AKAP8L: variants seen among roughly 807,000 people sequenced by gnomAD.
The protein encoded by AKAP8L is A-kinase anchor protein 8-like.
In AKAP8L, 34 loss-of-function variants were observed where a neutral mutation model predicts 77.5. The ratio of observed to expected loss-of-function variants is 0.44; its 90% CI spans 0.33 to 0.58. The LOEUF is 0.58. Ranked by LOEUF, AKAP8L falls within the 20% of genes least tolerant of loss-of-function variation. AKAP8L has a pLI of 0.02. For synonymous variants in AKAP8L, 342 were observed against 340.7 expected (o/e 1.00, Z -0.04); for missense variants, 806 against 887.6 (o/e 0.91, Z 1.17).
At chr19:15,395,983 C>CAGAAA (rs1452398542) in intron 12 of AKAP8L, among the ~76,000 whole-genome samples, 1 of 40,502 alleles carries the variant, frequency 2.5e-5, no homozygotes, top group Non-Finnish European at 4.4e-5. Context: ...GACTCCGTCT[C>CAGAAA]AAAAAAAAAA....
chr19:15,395,757 G>A (rs1473287167), intron 12 of AKAP8L, among the ~76,000 whole-genome samples: 3 of 146,902 alleles, frequency 2.0e-5, no homozygotes, highest in African/African-American at 7.4e-5. Flanking sequence ...GGCCGAGGCG[G>A]GCGGATCACG....
At position 15,401,941 on chromosome 19, in the gene AKAP8L, A is replaced by T. The variant is rs1454773365; in HGVS notation, c.363-338T>A. Among the ~76,000 whole-genome samples, 1 of 152,190 alleles carries T rather than the reference A, an allele frequency of 6.6e-6. No homozygotes were observed. The highest frequency in any genetic ancestry group is 1.5e-5 in the Non-Finnish European group (1 of 68,026). On this transcript the variant is annotated intron_variant, in intron 4 of 13. Transcript: ENST00000397410. This position sits in a 1 kb window ranked among gnomAD's most constrained non-coding sequence, Gnocchi z 6.2. ...ATGTACACCATCTGTGGGAGCTGCAACGCCCAAGGCTGCTCCTCACAGGGC... is the reference window on the plus strand; with the variant it reads ...ATGTACACCATCTGTGGGAGCTGCATCGCCCAAGGCTGCTCCTCACAGGGC...
chr19:15,400,352 C>T lies in AKAP8L; in HGVS notation c.991G>A (p.Glu331Lys). 1 of 1,613,530 alleles carries T rather than the reference C, an allele frequency of 6.2e-7. No individual in the cohort carries two copies. The highest frequency in any genetic ancestry group is 8.5e-7 in the Non-Finnish European group (1 of 1,179,728). The change falls in exon 8 of 14, where the codon GAG (glutamate) becomes AAG (lysine). Residue 331 changes from glutamate (E) to lysine (K), a missense_variant. Glu to Lys is a moderately conservative substitution (Grantham distance 56, BLOSUM62 1). Transcript: ENST00000397410. ...CCATCCTCTTTTCCCTCCTCATCCT[C>T]TCCGTCCTAACAATTTCAAATTCCA... ...AVEKGSRVDG[E>K]DEEGKEDGRE...
Position 15,399,521 on chromosome 19 carries a change from A to G in AKAP8L, c.1049-111T>C. 1.2e-6 allele frequency: 1 copy of G among 802,788 alleles called. No homozygotes were observed. The highest frequency in any genetic ancestry group is 2.5e-5 in the East Asian group (1 of 39,516). The allele number at this position is 802,788 out of a possible 1,614,324, so 49.7% of individuals were successfully genotyped here. ...CCACTCCAGAGGGTCCATCGAGAATAGCTGTCCAAGCAAGGCCTCTGGCCA... is the reference window on the plus strand; with the variant it reads ...CCACTCCAGAGGGTCCATCGAGAATGGCTGTCCAAGCAAGGCCTCTGGCCA... On this transcript the variant is annotated intron_variant, in intron 8 of 13. Transcript: ENST00000397410. The surrounding 1 kb of genome is among the most constrained non-coding windows in gnomAD (Gnocchi z 6.1).
At chr19:15,405,610 C>G (rs1967980831) in intron 2 of AKAP8L, among the ~76,000 whole-genome samples, 2 of 151,688 alleles carry the variant, frequency 1.3e-5, no homozygotes, top group South Asian at 4.2e-4. Flanking sequence ...GTACCAGGGA[C>G]AGTGGGCACT....
chr19:15,414,924 GTATAGCTGGGAC>G (rs1231161403), intron 1 of AKAP8L, among the ~76,000 whole-genome samples: 3 of 152,184 alleles, frequency 2.0e-5, no homozygotes, highest in Non-Finnish European at 4.4e-5. Flanking sequence ...TCAGTCTCCT[GTATAGCTGGGAC>G]TATAGCCACG....
intron 2 of AKAP8L, among the ~76,000 whole-genome samples, chr19:15,408,803 C>T (rs1340084460): frequency 2.9e-5 from 4 of 138,420 alleles, no homozygotes; most frequent in African/African-American, 5.4e-5. Context: ...ACCCAGGAGG[C>T]GGAGCTTGCA....
chr19:15,398,132 G>C lies in AKAP8L; in HGVS notation c.1158-277C>G. Reference sequence around the variant, plus strand: ...CCTGAGACAGCAGCTGCTGCAACAGGCAACGAGTCGCTGGAAAGTTGCTGG... The same window carrying C: ...CCTGAGACAGCAGCTGCTGCAACAGCCAACGAGTCGCTGGAAAGTTGCTGG... On this transcript the variant is annotated intron_variant, in intron 9 of 13. Coordinates refer to ENST00000397410, the MANE Select transcript of AKAP8L (RefSeq NM_014371.4). The surrounding 1 kb of genome is among the most constrained non-coding windows in gnomAD (Gnocchi z 9.2). 2.1e-6 allele frequency: 1 copy of C among 470,668 alleles called. No individual in the cohort carries two copies. Among genetic ancestry groups the C allele is most frequent in the South Asian group, 2.4e-5 (1 of 42,104 alleles). 29.2% of individuals were successfully genotyped at this position (470,668 alleles called of 1,614,324 possible).
At chr19:15,382,361 C>A (rs1361153667) in intron 12 of AKAP8L, among the ~76,000 whole-genome samples, 1 of 152,012 alleles carries the variant, frequency 6.6e-6, no homozygotes, top group Non-Finnish European at 1.5e-5. Flanking sequence ...ACCACCACAC[C>A]CAGCTACTTT....
At chr19:15,383,013 C>G (rs1967451457) in intron 12 of AKAP8L, among the ~76,000 whole-genome samples, 1 of 152,176 alleles carries the variant, frequency 6.6e-6, no homozygotes. Context: ...GGTCTACCAT[C>G]CCTTATCTAT....
rs1212504307 is a variant in AKAP8L at position 15,397,100 on chromosome 19, C to A, written c.1536+50G>T. The A allele has an allele frequency of 2.5e-6, 4 of 1,605,058 alleles. No individual in the cohort carries two copies. The East Asian group carries it at 9.0e-5, about 36-fold the overall frequency. ...TCCAACTGCACAACCTCCCCAGAGG[C>A]CTCACTCAATCTACCCACAGGACAG... On this transcript the variant is annotated intron_variant, in intron 12 of 13. Transcript: ENST00000397410. This position sits in a 1 kb window ranked among gnomAD's most constrained non-coding sequence, Gnocchi z 4.7.
At chr19:15,412,579 C>T (rs1485639658) in intron 1 of AKAP8L, among the ~76,000 whole-genome samples, 1 of 152,138 alleles carries the variant, frequency 6.6e-6, no homozygotes, top group Non-Finnish European at 1.5e-5. Context: ...GACGGAGTCT[C>T]GCACTAGGTT....
At chr19:15,404,596 A>T (rs1400924159) in intron 2 of AKAP8L, among the ~76,000 whole-genome samples, 1 of 152,242 alleles carries the variant, frequency 6.6e-6, no homozygotes, top group African/African-American at 2.4e-5. Context: ...TCAGTAACAT[A>T]AAGCCACTGA....
At chr19:15,400,724 G>A in intron 7 of AKAP8L, 70 bp downstream of exon 7, 1 of 1,565,992 alleles carries the variant, frequency 6.4e-7, no homozygotes, top group South Asian at 1.1e-5. Context: ...CTGGCCCCCA[G>A]GGAGAGCACC....
At chr19:15,417,179 T>TC (rs1273893107) in intron 1 of AKAP8L, among the ~76,000 whole-genome samples, 2 of 152,002 alleles carry the variant, frequency 1.3e-5, no homozygotes, top group African/African-American at 4.8e-5. Context: ...AAAAAAGAGC[T>TC]CCATTACTCA....
At position 15,398,236 on chromosome 19, in the gene AKAP8L, G is replaced by A. The variant is rs574138641; in HGVS notation, c.1158-381C>T. On this transcript the variant is annotated intron_variant, in intron 9 of 13. Coordinates refer to ENST00000397410, the MANE Select transcript of AKAP8L (RefSeq NM_014371.4). This position sits in a 1 kb window ranked among gnomAD's most constrained non-coding sequence, Gnocchi z 9.2. ...ACCGGAAGGAAGGATGCCCTGGCGT[G>A]AGCCAGGTGGCCCTGAGGTGCAGAG... 2 of 291,610 alleles carry A rather than the reference G, an allele frequency of 6.9e-6. No homozygotes were observed. The highest frequency in any genetic ancestry group is 7.9e-5 in the South Asian group (2 of 25,374). 18.1% of individuals were successfully genotyped at this position (291,610 alleles called of 1,614,324 possible). A position where few individuals can be genotyped will look rare whatever the true frequency, so the allele number is the denominator to read the frequency against.
At position 15,399,535 on chromosome 19, in the gene AKAP8L, G is replaced by C; in HGVS notation, c.1049-125C>G. 2.7e-6 allele frequency: 2 copies of C among 742,084 alleles called. No homozygotes were observed. The highest frequency in any genetic ancestry group is 1.7e-5 in the African/African-American group (1 of 58,336). The allele number at this position is 742,084 out of a possible 1,614,324, so 46.0% of individuals were successfully genotyped here. On this transcript the variant is annotated intron_variant, in intron 8 of 13. Coordinates refer to ENST00000397410, the MANE Select transcript of AKAP8L (RefSeq NM_014371.4). The surrounding 1 kb of genome is among the most constrained non-coding windows in gnomAD (Gnocchi z 6.1). ...CCATCGAGAATAGCTGTCCAAGCAA[G>C]GCCTCTGGCCATGAGCAGGGCTGGG...
At chr19:15,384,214 A>C (rs1327721486) in intron 12 of AKAP8L, among the ~76,000 whole-genome samples, 1 of 151,158 alleles carries the variant, frequency 6.6e-6, no homozygotes, top group African/African-American at 2.4e-5. Flanking sequence ...TATAGGCGTG[A>C]GCCACCGTGC....
At chr19:15,407,450 A>G (rs1241900903) in intron 2 of AKAP8L, among the ~76,000 whole-genome samples, 1 of 152,194 alleles carries the variant, frequency 6.6e-6, no homozygotes, top group African/African-American at 2.4e-5. Flanking sequence ...ATCCATCTCT[A>G]TTCTTTCACA....
Sources: gnomAD v4.1 joint callset for allele counts (sites outside exome capture counted in the v4.1 genomes callset) on GRCh38, gnomAD v4.1.1 for gene constraint, Gnocchi (gnomAD v3.1) non-coding constraint, MANE v1.5 for transcripts, NCBI Gene and HGNC (gene_info 2026-07-23, HGNC 2026-07-21) for gene names.